The following DGKB variants were observed in gnomAD, a reference collection of about 807,000 sequenced individuals.
DGKB encodes the protein 90 kDa diacylglycerol kinase.
DGKB carries 67 observed loss-of-function variants against 114.3 expected under a neutral mutation model. The observed-to-expected ratio is 0.59, with a 90% CI of 0.48 to 0.72. The LOEUF (loss-of-function observed/expected upper bound fraction) is 0.72, where lower values mean the gene tolerates loss of function less well. DGKB is among the 30% of genes least tolerant of loss of function. The pLI, the probability that DGKB is intolerant of heterozygous loss-of-function variation, is 0.00. For missense variants in DGKB, 907 were observed against 975.2 expected (o/e 0.93, Z 0.93); for synonymous variants, 398 against 323.1 (o/e 1.23, Z -2.49).
chr7:14,490,982 T>C (rs775441026), intron 20 of DGKB, among the ~76,000 whole-genome samples: 20 of 151,830 alleles, frequency 1.3e-4, no homozygotes, highest in Non-Finnish European at 2.6e-4. Context: ...ACAGGAGAGA[T>C]GCTAATGTTT....
intron 17 of DGKB, among the ~76,000 whole-genome samples, chr7:14,584,461 A>G (rs1800418768): frequency 6.6e-6 from 1 of 152,124 alleles, no homozygotes; most frequent in Non-Finnish European, 1.5e-5. Context: ...ACAAAACACT[A>G]CATATGAACA....
intron 6 of DGKB, 132 bp from the exon 7 acceptor site, chr7:14,701,862 T>C (rs1825249240): frequency 3.2e-6 from 2 of 621,636 alleles, no homozygotes; most frequent in South Asian, 4.1e-5. Context: ...AACAATTAAT[T>C]TGTGGGATTA....
At chr7:14,943,262 GA>G (rs1231334576) in intron 1 of DGKB, among the ~76,000 whole-genome samples, 2 of 151,584 alleles carry the variant, frequency 1.3e-5, no homozygotes, top group Non-Finnish European at 2.9e-5. Flanking sequence ...GTTTTATAAT[GA>G]AAAAAATCAT....
intron 23 of DGKB, among the ~76,000 whole-genome samples, chr7:14,190,341 A>G (rs1255790222): frequency 1.3e-5 from 2 of 152,198 alleles, no homozygotes; most frequent in Non-Finnish European, 2.9e-5. Flanking sequence ...CTTGAGACAA[A>G]TGAGAATGGG....
intron 1 of DGKB, among the ~76,000 whole-genome samples, chr7:14,926,465 T>C (rs1784758109): frequency 6.6e-6 from 1 of 151,866 alleles, no homozygotes; most frequent in Non-Finnish European, 1.5e-5. Context: ...TTCCTATTTT[T>C]TTCTCATTGC....
intron 21 of DGKB, among the ~76,000 whole-genome samples, chr7:14,425,860 C>T (rs1827433490): frequency 1.3e-5 from 2 of 152,102 alleles, no homozygotes; most frequent in African/African-American, 4.8e-5. Context: ...TTTTAGATCA[C>T]TTTAAGTCAG....
At chr7:14,539,966 G>C (rs796564583) in intron 20 of DGKB, among the ~76,000 whole-genome samples, 107 of 151,898 alleles carry the variant, frequency 7.0e-4, no homozygotes, top group African/African-American at 2.6e-3. Context: ...ATTTTCATGT[G>C]ATATGCAGAA....
chr7:14,857,636 C>T (rs535748921), intron 1 of DGKB, among the ~76,000 whole-genome samples: 1 of 151,972 alleles, frequency 6.6e-6, no homozygotes, highest in African/African-American at 2.4e-5. Context: ...TTTTTATGTG[C>T]TTTTTGAAAC....
intron 23 of DGKB, among the ~76,000 whole-genome samples, chr7:14,212,684 A>G (rs1788317896): frequency 6.6e-6 from 1 of 152,130 alleles, no homozygotes; most frequent in Non-Finnish European, 1.5e-5. Context: ...TTCAAGCCCT[A>G]GCATCAAATC....
intron 23 of DGKB, among the ~76,000 whole-genome samples, chr7:14,331,876 A>G (rs896528383): frequency 6.6e-6 from 1 of 152,208 alleles, no homozygotes; most frequent in African/African-American, 2.4e-5. Context: ...TCACTTGAGT[A>G]GAGATACTCC....
chr7:14,763,157 GA>G (rs1835947624), intron 2 of DGKB, among the ~76,000 whole-genome samples: 1 of 151,922 alleles, frequency 6.6e-6, no homozygotes. Context: ...TTTTGCTGAT[GA>G]TTTTTTTTTC....
chr7:14,186,560 C>G (rs1783472000), intron 23 of DGKB, among the ~76,000 whole-genome samples: 1 of 152,206 alleles, frequency 6.6e-6, no homozygotes, highest in South Asian at 2.1e-4. Flanking sequence ...AGAAAAGATA[C>G]TTGCACATGC....
chr7:14,551,458 T>TTTACAA (rs1795094330), intron 20 of DGKB, among the ~76,000 whole-genome samples: 2 of 152,186 alleles, frequency 1.3e-5, no homozygotes, highest in Non-Finnish European at 2.9e-5. Context: ...GCCTTGCTTG[T>TTTACAA]TTCTTCTCGC....
At chr7:14,204,828 G>A (rs1223385189) in intron 23 of DGKB, among the ~76,000 whole-genome samples, 2 of 151,984 alleles carry the variant, frequency 1.3e-5, no homozygotes, top group Non-Finnish European at 2.9e-5. Flanking sequence ...AGGGGAAAAA[G>A]AAATGTATTA....
intron 20 of DGKB, among the ~76,000 whole-genome samples, chr7:14,545,515 A>G (rs1482662900): frequency 6.6e-6 from 1 of 152,232 alleles, no homozygotes; most frequent in Non-Finnish European, 1.5e-5. Context: ...GTATTACGAG[A>G]TGTCTACATC....
At chr7:14,463,379 T>G (rs1833380181) in intron 21 of DGKB, among the ~76,000 whole-genome samples, 1 of 152,140 alleles carries the variant, frequency 6.6e-6, no homozygotes. Flanking sequence ...GTACCCCAGA[T>G]TGGCTCCAAA....
At chr7:14,675,991 T>C (rs1819787174) in intron 12 of DGKB, among the ~76,000 whole-genome samples, 1 of 152,076 alleles carries the variant, frequency 6.6e-6, no homozygotes, top group Non-Finnish European at 1.5e-5. Context: ...TTCTTGGAGA[T>C]ATACTTGAGG....
At chr7:14,928,515 T>C (rs776197226) in intron 1 of DGKB, among the ~76,000 whole-genome samples, 5 of 151,988 alleles carry the variant, frequency 3.3e-5, no homozygotes, top group South Asian at 2.1e-4. Context: ...ACACATGCTA[T>C]ATTAACTTCT....
chr7:14,873,890 G>C (rs1173130225), intron 1 of DGKB, among the ~76,000 whole-genome samples: 2 of 151,900 alleles, frequency 1.3e-5, no homozygotes, highest in Non-Finnish European at 2.9e-5. Flanking sequence ...TATCCTCTTT[G>C]TAAAATATTA....
Sources: allele counts gnomAD v4.1 joint callset (sites outside exome capture counted in the v4.1 genomes callset), GRCh38; gene constraint gnomAD v4.1.1; transcripts MANE v1.5; gene names NCBI Gene and HGNC (gene_info 2026-07-23, HGNC 2026-07-21).